The following CBFA2T3 variants were observed in gnomAD, a reference collection of about 807,000 sequenced individuals.
CBFA2T3 encodes CBFA2/RUNX1 partner transcriptional co-repressor 3.
Under a neutral mutation model 58.6 loss-of-function variants are expected in CBFA2T3, and 31 were observed. The observed-to-expected ratio is 0.53, with a 90% CI of 0.40 to 0.71. The LOEUF (loss-of-function observed/expected upper bound fraction) is 0.71. Among genes scored for constraint, CBFA2T3 ranks in the 30% least tolerant of loss-of-function variants. The probability of loss-of-function intolerance (pLI) is 0.00; values close to 1 mark genes in which losing one functional copy is unlikely to be tolerated. For missense variants in CBFA2T3, 1,076 were observed against 963.1 expected, an observed-to-expected ratio of 1.12 and a Z score of -1.55; for synonymous variants, 531 against 421.9, an observed-to-expected ratio of 1.26 and a Z score of -3.17.
At chr16:88,881,163 A>G (rs1390824463) in intron 9 of CBFA2T3, 128 bp downstream of exon 9, 3 of 864,088 alleles carry the variant, frequency 3.5e-6, no homozygotes, top group Admixed American at 1.9e-5. Flanking sequence ...AAAGTGAAAA[A>G]GGTGCCTCTT....
chr16:88,966,090 G>A (rs952691884), intron 1 of CBFA2T3, among the ~76,000 whole-genome samples: 5 of 152,200 alleles, frequency 3.3e-5, no homozygotes, highest in South Asian at 2.1e-4. Context: ...GCCTCCTCTC[G>A]TAGCTGCAAG....
chr16:88,949,573 A>C (rs112235323), intron 1 of CBFA2T3, among the ~76,000 whole-genome samples: 9,999 of 151,416 alleles, frequency 0.066, 1,116 homozygotes, highest in African/African-American at 0.23. Flanking sequence ...AAAAAAAAAA[A>C]GAAAAAGAAA....
chr16:88,876,955 G>T lies in CBFA2T3; in HGVS notation c.*21C>A. 1.4e-6 allele frequency: 2 copies of T among 1,409,388 alleles called. No individual in the cohort carries two copies. Among genetic ancestry groups the T allele is most frequent in the Non-Finnish European group, 1.8e-6 (2 of 1,085,988 alleles). The allele number at this position is 1,409,388 out of a possible 1,614,324, so 87.3% of individuals were successfully genotyped here. A position where few individuals can be genotyped will look rare whatever the true frequency, so the allele number is the denominator to read the frequency against. On this transcript the variant is annotated 3_prime_UTR_variant, in exon 12 of 12. Transcript: ENST00000268679. Reference sequence around the variant, plus strand: ...TGGGGTTGGCACGGTGCTGTGTCCGGCAGGCCAGGGGCCAGTGGGGTCAGC... The same window carrying T: ...TGGGGTTGGCACGGTGCTGTGTCCGTCAGGCCAGGGGCCAGTGGGGTCAGC...
At chr16:88,886,848 C>T (rs1479151764) in intron 5 of CBFA2T3, 2 of 152,338 alleles carry the variant, frequency 1.3e-5, no homozygotes, top group Non-Finnish European at 2.9e-5. Flanking sequence ...AAAGACTCCG[C>T]AGCATGCGGC....
At chr16:88,941,423 G>T (rs1376861625) in intron 1 of CBFA2T3, among the ~76,000 whole-genome samples, 1 of 146,488 alleles carries the variant, frequency 6.8e-6, no homozygotes, top group Non-Finnish European at 1.5e-5. Context: ...TGCGCCACCT[G>T]CCTCCCGCCC....
At chr16:88,947,555 A>G (rs1311748291) in intron 1 of CBFA2T3, among the ~76,000 whole-genome samples, 1 of 152,220 alleles carries the variant, frequency 6.6e-6, no homozygotes, top group Non-Finnish European at 1.5e-5. Flanking sequence ...TTATCGTTAT[A>G]ATTATTGGTA....
At chr16:88,886,357 C>T (rs1161475247) in intron 5 of CBFA2T3, 2 of 419,984 alleles carry the variant, frequency 4.8e-6, no homozygotes, top group Non-Finnish European at 8.4e-6. Flanking sequence ...CGCAGGAGTG[C>T]CTCACCTGGG....
intron 1 of CBFA2T3, among the ~76,000 whole-genome samples, chr16:88,902,829 AC>A (rs1359792513): frequency 6.6e-6 from 1 of 151,978 alleles, no homozygotes; most frequent in African/African-American, 2.4e-5. Flanking sequence ...ACTGCCCCGC[AC>A]CCTGCTCCTG....
rs1969362092 is a variant in CBFA2T3, at chr16:88,886,132, G to A, written c.722C>T (p.Pro241Leu). Residue 241 changes from proline to leucine, a missense_variant, in exon 6 of 12, where the codon CCC (proline) becomes CTC (leucine). Coordinates refer to ENST00000268679, the MANE Select transcript of CBFA2T3 (RefSeq NM_005187.6). ...FVIPFLKANL[P>L]LLQRELLHCA... is the part of the protein sequence containing the mutation. Reference sequence around the variant, plus strand: ...GTGCAGGAGCTCCCGCTGCAGCAAGGGCAGGTTTGCCTGTGGGGTGGGGAA... The same window carrying A: ...GTGCAGGAGCTCCCGCTGCAGCAAGAGCAGGTTTGCCTGTGGGGTGGGGAA... 6.5e-7 allele frequency: 1 copy of A among 1,543,710 alleles called. No individual in the cohort carries two copies. Among genetic ancestry groups the A allele is most frequent in the Non-Finnish European group, 8.7e-7 (1 of 1,150,642 alleles).
intron 1 of CBFA2T3, among the ~76,000 whole-genome samples, chr16:88,904,953 G>A (rs570079139): frequency 4.6e-5 from 7 of 152,290 alleles, no homozygotes; most frequent in African/African-American, 1.7e-4. Context: ...GGAGCAACGT[G>A]TGGCCGGGAC....
In CBFA2T3 at chr16:88,879,145, G is replaced by A. The variant is rs894168596; in HGVS notation, c.1662+125C>T. The A allele has an allele frequency of 9.9e-6, 8 of 805,560 alleles. No individual in the cohort carries two copies. The African/African-American group carries it at 1.2e-4, about 12-fold the overall frequency. The allele number at this position is 805,560 out of a possible 1,614,324, so 49.9% of individuals were successfully genotyped here. A position where few individuals can be genotyped will look rare whatever the true frequency, so the allele number is the denominator to read the frequency against. On this transcript the variant is annotated intron_variant, in intron 11 of 11. Coordinates refer to ENST00000268679, the MANE Select transcript of CBFA2T3 (RefSeq NM_005187.6). ...CAGTGTGGGCGGGGATGGCGTGCCT[G>A]CTGCAGGATGCCCGTGACAACTGTG... is the stretch of plus-strand genomic sequence containing the variant.
chr16:88,906,532 A>G (rs1875060501), intron 1 of CBFA2T3, among the ~76,000 whole-genome samples: 1 of 152,222 alleles, frequency 6.6e-6, no homozygotes. Flanking sequence ...CACAGTAGAC[A>G]CCAGTGTCCT....
chr16:88,925,633 G>A (rs1403537501), intron 1 of CBFA2T3, among the ~76,000 whole-genome samples: 11 of 152,204 alleles, frequency 7.2e-5, no homozygotes, highest in Admixed American at 2.0e-4. Flanking sequence ...GGATGACTCT[G>A]AATGCTGCTT....
intron 1 of CBFA2T3, among the ~76,000 whole-genome samples, chr16:88,925,731 G>A (rs1465494483): frequency 3.3e-5 from 5 of 152,170 alleles, no homozygotes; most frequent in Admixed American, 6.5e-5. Flanking sequence ...ACTGCCCGCC[G>A]GGAGCCCCTG....
In CBFA2T3 at chr16:88,969,203, G is replaced by A. The variant is rs149027319; in HGVS notation, c.151+7454C>T. On this transcript the variant is annotated intron_variant, in intron 1 of 11. Transcript: ENST00000268679. ...CTGCAGCGGACACGGCTGGAGGGAC[G>A]GTTGCAAGGTCCCCTCCCCCACTCT... Among the ~76,000 whole-genome samples, 12 of 152,326 alleles carry A rather than the reference G, an allele frequency of 7.9e-5. No homozygotes were observed. In the East Asian group the frequency reaches 1.7e-3, roughly 22 times the overall value.
chr16:88,881,071 A>C, intron 9 of CBFA2T3: 1 of 709,382 alleles, frequency 1.4e-6, no homozygotes, highest in South Asian at 1.5e-5. Context: ...AGAGACCCTC[A>C]GGGCCTCCCA....
chr16:88,881,042 G>T (rs753015319), intron 9 of CBFA2T3: 1 of 702,670 alleles, frequency 1.4e-6, no homozygotes, highest in Admixed American at 2.0e-5. Context: ...GTCAGCATTC[G>T]TCGCTGAGGC....
rs1222440440 is a variant in CBFA2T3 at position 88,976,768 on chromosome 16, C to G, written c.40G>C (p.Ala14Pro). 1 of 1,556,526 alleles carries G rather than the reference C, an allele frequency of 6.4e-7. No homozygotes were observed. Among genetic ancestry groups the G allele is most frequent in the Non-Finnish European group, 8.7e-7 (1 of 1,149,904 alleles). Residue 14 changes from alanine to proline, a missense_variant, in exon 1 of 12, where the codon GCC becomes CCC. Physicochemically the swap from Ala to Pro is conservative, Grantham distance 27. Coordinates refer to ENST00000268679, the MANE Select transcript of CBFA2T3 (RefSeq NM_005187.6). ...ATGGAGCCACAGGTGGATCCCGAGG[C>G]TGAACTGGCTGCCCTGTCCCTCAGT... ...SRLRDRAASSASGSTCGSMSQ... is the reference protein window; with the variant it reads ...SRLRDRAASSPSGSTCGSMSQ...
At chr16:88,920,049 C>T (rs1970861186) in intron 1 of CBFA2T3, among the ~76,000 whole-genome samples, 5 of 152,254 alleles carry the variant, frequency 3.3e-5, no homozygotes, top group Admixed American at 3.3e-4. Flanking sequence ...TCAACCCGCT[C>T]CCTGGGGTGG....
Sources: gnomAD v4.1 joint callset for allele counts (sites outside exome capture counted in the v4.1 genomes callset) on GRCh38, gnomAD v4.1.1 for gene constraint, MANE v1.5 for transcripts, NCBI Gene and HGNC (gene_info 2026-07-23, HGNC 2026-07-21) for gene names.